Variants in TNIK observed in about 807,000 individuals in gnomAD.
TNIK encodes TRAF2 and NCK-interacting protein kinase.
A neutral mutation model predicts 191.3 loss-of-function variants in TNIK; 49 were observed. The ratio of observed to expected loss-of-function variants is 0.26; its 90% CI spans 0.20 to 0.32. The LOEUF is 0.32. TNIK is among the 10% of genes least tolerant of loss of function. TNIK has a pLI of 1.00. For synonymous variants in TNIK, 594 were observed against 600.9 expected (o/e 0.99, Z 0.17); for missense variants, 1,155 against 1,702.3 (o/e 0.68, Z 5.66).
intron 2 of TNIK, among the ~76,000 whole-genome samples, chr3:171,274,556 A>T (rs1043429321): frequency 3.3e-5 from 5 of 152,248 alleles, no homozygotes; most frequent in African/African-American, 1.2e-4. Context: ...AGATAGAAAT[A>T]TGGTCCTAGC....
chr3:171,094,068 AATAAC>A, intron 22 of TNIK, 100 bp from the exon 23 acceptor site: 1 of 1,376,848 alleles, frequency 7.3e-7, no homozygotes, highest in South Asian at 1.6e-5. Context: ...TATACATATT[AATAAC>A]ATAAAATTTA....
chr3:171,120,611 GC>G (rs1427590279), intron 18 of TNIK, among the ~76,000 whole-genome samples: 1 of 151,988 alleles, frequency 6.6e-6, no homozygotes, highest in Admixed American at 6.6e-5. Context: ...GAGCCACCGC[GC>G]CCGGCCTCTT....
intron 2 of TNIK, among the ~76,000 whole-genome samples, chr3:171,233,862 A>G (rs1356376939): frequency 6.6e-6 from 1 of 152,148 alleles, no homozygotes; most frequent in African/African-American, 2.4e-5. Flanking sequence ...CCTTACCCCC[A>G]CATTTCCCCA....
intron 27 of TNIK, among the ~76,000 whole-genome samples, chr3:171,081,827 T>A (rs1337564448): frequency 1.3e-5 from 2 of 151,854 alleles, no homozygotes; most frequent in Non-Finnish European, 2.9e-5. Context: ...TGCCAAAACA[T>A]CAGTGGGCTA....
chr3:171,124,193 A>G (rs148762706), intron 17 of TNIK, among the ~76,000 whole-genome samples: 17 of 152,328 alleles, frequency 1.1e-4, no homozygotes, highest in African/African-American at 3.6e-4. Flanking sequence ...AGAGCTTAAG[A>G]CATAAGTCAT....
intron 2 of TNIK, among the ~76,000 whole-genome samples, chr3:171,294,178 G>A (rs570900988): frequency 2.0e-5 from 3 of 151,708 alleles, no homozygotes; most frequent in South Asian, 4.2e-4. Flanking sequence ...GCAGTGAGCC[G>A]AGATGGCGCC....
chr3:171,096,803 C>G (rs1722786924), intron 22 of TNIK, among the ~76,000 whole-genome samples: 1 of 152,154 alleles, frequency 6.6e-6, no homozygotes, highest in Non-Finnish European at 1.5e-5. Context: ...ATGCAGGTAG[C>G]ACATAATAAA....
intron 4 of TNIK, among the ~76,000 whole-genome samples, chr3:171,203,684 C>G (rs1235377256): frequency 1.3e-5 from 2 of 152,216 alleles, no homozygotes; most frequent in Non-Finnish European, 2.9e-5. Context: ...AGTTTGCCAA[C>G]TAAGAACTAG....
chr3:171,219,331 GAT>G (rs895529817), intron 3 of TNIK, among the ~76,000 whole-genome samples: 10 of 142,158 alleles, frequency 7.0e-5, no homozygotes, highest in African/African-American at 2.6e-4. Flanking sequence ...TATATATAAT[GAT>G]ATATATCATT....
chr3:171,391,662 C>T (rs1719523569), intron 1 of TNIK, among the ~76,000 whole-genome samples: 1 of 152,092 alleles, frequency 6.6e-6, no homozygotes, highest in Non-Finnish European at 1.5e-5. Context: ...ATATATAAGC[C>T]CCCAATTCTA....
chr3:171,105,079 A>G (rs960380463), intron 21 of TNIK, among the ~76,000 whole-genome samples: 9 of 149,772 alleles, frequency 6.0e-5, no homozygotes, highest in Non-Finnish European at 1.3e-4. Context: ...CCCCCAAATT[A>G]ATTTTTATAA....
At chr3:171,383,328 G>A (rs534067920) in intron 1 of TNIK, among the ~76,000 whole-genome samples, 6 of 152,232 alleles carry the variant, frequency 3.9e-5, no homozygotes, top group African/African-American at 7.2e-5. Context: ...GCAAGTCCTC[G>A]ACTGCTCTTT....
chr3:171,341,222 C>T (rs1384438670), intron 2 of TNIK, among the ~76,000 whole-genome samples: 1 of 152,002 alleles, frequency 6.6e-6, no homozygotes, highest in Non-Finnish European at 1.5e-5. Flanking sequence ...CCTATAATCC[C>T]AGCACTTTGG....
chr3:171,264,193 T>A (rs1378646434), intron 2 of TNIK, among the ~76,000 whole-genome samples: 2 of 150,598 alleles, frequency 1.3e-5, no homozygotes, highest in Non-Finnish European at 3.0e-5. Context: ...ATGGCTCTTG[T>A]CAGAAATACT....
At chr3:171,393,991 T>G (rs573153752) in intron 1 of TNIK, among the ~76,000 whole-genome samples, 2 of 152,356 alleles carry the variant, frequency 1.3e-5, no homozygotes, top group Admixed American at 1.3e-4. Context: ...GTATATAAAA[T>G]AATATAGCAT....
intron 13 of TNIK, among the ~76,000 whole-genome samples, chr3:171,139,907 G>A (rs1576937709): frequency 6.6e-6 from 1 of 152,206 alleles, no homozygotes; most frequent in Non-Finnish European, 1.5e-5. Flanking sequence ...AGAGGCTCCT[G>A]TGCAAGCAGC....
chr3:171,177,189 G>A (rs921449434), intron 8 of TNIK, 137 bp downstream of exon 8: 2 of 721,378 alleles, frequency 2.8e-6, no homozygotes, highest in Middle Eastern at 3.6e-4. Context: ...AGATGACTCT[G>A]CTTTCTAAAT....
intron 2 of TNIK, among the ~76,000 whole-genome samples, chr3:171,318,701 C>T (rs892391162): frequency 2.6e-5 from 4 of 152,120 alleles, no homozygotes; most frequent in African/African-American, 9.7e-5. Flanking sequence ...AAAAAAGCAA[C>T]TTTGAAAATG....
intron 1 of TNIK, among the ~76,000 whole-genome samples, chr3:171,396,736 A>G (rs1324126517): frequency 1.3e-5 from 2 of 152,228 alleles, no homozygotes; most frequent in African/African-American, 4.8e-5. Flanking sequence ...GCCAGTAGCA[A>G]GAAGAGAAGA....
Sources: allele counts gnomAD v4.1 joint callset (sites outside exome capture counted in the v4.1 genomes callset), GRCh38; gene constraint gnomAD v4.1.1; transcripts MANE v1.5; gene names NCBI Gene and HGNC (gene_info 2026-07-23, HGNC 2026-07-21).